The following DDX10 variants were observed in gnomAD, a reference collection of about 807,000 sequenced individuals.
The protein encoded by DDX10 is probable ATP-dependent RNA helicase DDX10.
Under a neutral mutation model 104.3 loss-of-function variants are expected in DDX10, and 74 were observed. That is an observed-to-expected ratio of 0.71 (90% CI 0.59 to 0.86). The LOEUF is 0.86. Ranked by LOEUF, DDX10 falls within the 40% of genes least tolerant of loss-of-function variation. The pLI is 0.00. For synonymous variants in DDX10, 351 were observed against 353.4 expected (o/e 0.99, Z 0.08); for missense variants, 952 against 1,040.0 (o/e 0.92, Z 1.16).
At chr11:108,877,227 A>G (rs564662186) in intron 16 of DDX10, among the ~76,000 whole-genome samples, 10 of 152,224 alleles carry the variant, frequency 6.6e-5, no homozygotes, top group Non-Finnish European at 1.5e-4. Flanking sequence ...AGCTTGGTAC[A>G]AACTTGAATA....
chr11:108,826,722 G>A (rs1862400669), intron 13 of DDX10, among the ~76,000 whole-genome samples: 1 of 152,174 alleles, frequency 6.6e-6, no homozygotes, highest in African/African-American at 2.4e-5. Flanking sequence ...GTATGGAGGT[G>A]ATCACATCCG....
intron 17 of DDX10, among the ~76,000 whole-genome samples, chr11:108,933,110 A>T (rs1863994003): frequency 6.6e-6 from 1 of 152,024 alleles, no homozygotes; most frequent in African/African-American, 2.4e-5. Flanking sequence ...CAAGAGATTG[A>T]GCTCAACTGA....
chr11:108,704,187 A>G (rs2094272518), intron 9 of DDX10, among the ~76,000 whole-genome samples: 1 of 152,176 alleles, frequency 6.6e-6, no homozygotes, highest in Non-Finnish European at 1.5e-5. Flanking sequence ...GTCAGTTGGA[A>G]CATGAGAGAA....
At chr11:108,818,296 C>T (rs1862281726) in intron 13 of DDX10, among the ~76,000 whole-genome samples, 1 of 152,178 alleles carries the variant, frequency 6.6e-6, no homozygotes, top group Non-Finnish European at 1.5e-5. Flanking sequence ...TGAAAATTAA[C>T]TGTATAGTGT....
chr11:108,717,332 G>A (rs147707399), intron 11 of DDX10, among the ~76,000 whole-genome samples: 4 of 152,240 alleles, frequency 2.6e-5, no homozygotes, highest in African/African-American at 9.6e-5. Flanking sequence ...TTTTTGATAC[G>A]CAGTTTCGCT....
chr11:108,779,414 A>G (rs1215600956), intron 13 of DDX10, among the ~76,000 whole-genome samples: 1 of 152,248 alleles, frequency 6.6e-6, no homozygotes, highest in Non-Finnish European at 1.5e-5. Flanking sequence ...GGAAACCATA[A>G]TTCTGAGCAG....
At chr11:108,893,217 T>C (rs2134641761) in intron 16 of DDX10, among the ~76,000 whole-genome samples, 1 of 152,248 alleles carries the variant, frequency 6.6e-6, no homozygotes, top group Non-Finnish European at 1.5e-5. Flanking sequence ...TAGTTTAGGA[T>C]TGATTTGAAG....
At chr11:108,709,010 C>CTA (rs946347373) in intron 10 of DDX10, among the ~76,000 whole-genome samples, 3 of 152,100 alleles carry the variant, frequency 2.0e-5, no homozygotes, top group Non-Finnish European at 2.9e-5. Context: ...TTTCGATTTC[C>CTA]TATATAGATG....
At chr11:108,734,100 AT>A (rs977405508) in intron 13 of DDX10, among the ~76,000 whole-genome samples, 5 of 151,692 alleles carry the variant, frequency 3.3e-5, no homozygotes, top group Non-Finnish European at 5.9e-5. Flanking sequence ...TTTTGCTAGT[AT>A]TTTTTTCTTT....
rs1456426575 is a variant in DDX10 at position 108,940,807 on chromosome 11, A to G, written c.*384A>G. ...TACAGAAGTTTCTGTTGCTGTTAAA[A>G]TTGCTCATGATTTCGACGTATTTAA... is the stretch of plus-strand genomic sequence containing the variant. On this transcript the variant is annotated 3_prime_UTR_variant, in exon 18 of 18. Coordinates refer to ENST00000322536, the MANE Select transcript of DDX10 (RefSeq NM_004398.4). The G allele has an allele frequency of 8.7e-6, 2 of 230,378 alleles. No homozygotes were observed. Among genetic ancestry groups the G allele is most frequent in the East Asian group, 1.3e-4 (2 of 15,730 alleles). 14.3% of individuals were successfully genotyped at this position (230,378 alleles called of 1,614,324 possible). A position where few individuals can be genotyped will look rare whatever the true frequency, so the allele number is the denominator to read the frequency against.
intron 4 of DDX10, 149 bp downstream of exon 4, chr11:108,677,392 C>T: frequency 1.5e-6 from 1 of 655,236 alleles, no homozygotes. Flanking sequence ...GTGGTCGCTG[C>T]TATCTACGAT....
intron 13 of DDX10, among the ~76,000 whole-genome samples, chr11:108,826,327 A>G (rs1287560307): frequency 6.6e-6 from 1 of 152,208 alleles, no homozygotes; most frequent in Non-Finnish European, 1.5e-5. Flanking sequence ...TGGCTGTCAT[A>G]GAGACATAGT....
intron 16 of DDX10, among the ~76,000 whole-genome samples, chr11:108,885,311 G>A (rs1863281357): frequency 6.6e-6 from 1 of 150,772 alleles, no homozygotes; most frequent in Non-Finnish European, 1.5e-5. Flanking sequence ...TAACCTCACA[G>A]TGTGGTATCA....
chr11:108,675,821 A>G lies in DDX10; in HGVS notation c.378+95A>G. ...TTATATAAAGAGATGTTTTCATGTT[A>G]GATTTCATGATAGATTGGCTAGAAT... On this transcript the variant is annotated intron_variant, in intron 3 of 17. Coordinates refer to ENST00000322536, the MANE Select transcript of DDX10 (RefSeq NM_004398.4). 3 of 1,452,638 alleles carry G rather than the reference A, an allele frequency of 2.1e-6. No homozygotes were observed. The Admixed American group carries it at 5.8e-5, about 28-fold the overall frequency. The allele number at this position is 1,452,638 out of a possible 1,614,324, so 90.0% of individuals were successfully genotyped here. A position where few individuals can be genotyped will look rare whatever the true frequency, so the allele number is the denominator to read the frequency against.
chr11:108,686,370 C>G (rs1170005899), intron 6 of DDX10, among the ~76,000 whole-genome samples: 1 of 152,202 alleles, frequency 6.6e-6, no homozygotes, highest in Non-Finnish European at 1.5e-5. Flanking sequence ...ATTCACTGCC[C>G]TGAAAGTCCT....
At chr11:108,716,030 G>T (rs1356511567) in intron 11 of DDX10, 64 bp downstream of exon 11, 1 of 893,930 alleles carries the variant, frequency 1.1e-6, no homozygotes, top group African/African-American at 1.7e-5. Flanking sequence ...ATCATTTTCT[G>T]CTACTTCTAG....
At chr11:108,729,038 ACTC>A (rs2094308772) in intron 13 of DDX10, among the ~76,000 whole-genome samples, 1 of 151,852 alleles carries the variant, frequency 6.6e-6, no homozygotes, top group African/African-American at 2.4e-5. Flanking sequence ...CACTTTCACT[ACTC>A]TCACCAGCAT....
At chr11:108,706,396 C>A (rs1232140165) in intron 9 of DDX10, among the ~76,000 whole-genome samples, 2 of 152,062 alleles carry the variant, frequency 1.3e-5, no homozygotes, top group Admixed American at 1.3e-4. Flanking sequence ...TGTATTTATT[C>A]AAAGATTAAC....
At chr11:108,732,771 T>C (rs1319910836) in intron 13 of DDX10, among the ~76,000 whole-genome samples, 1 of 152,176 alleles carries the variant, frequency 6.6e-6, no homozygotes, top group Non-Finnish European at 1.5e-5. Context: ...TGGCTAATTG[T>C]CTTGTTGGGT....
Sources: gnomAD v4.1 joint callset for allele counts (sites outside exome capture counted in the v4.1 genomes callset) on GRCh38, gnomAD v4.1.1 for gene constraint, MANE v1.5 for transcripts, NCBI Gene and HGNC (gene_info 2026-07-23, HGNC 2026-07-21) for gene names.